STAB2: variants seen among roughly 807,000 people sequenced by gnomAD.
STAB2 encodes the protein stabilin-2.
In STAB2, 288 loss-of-function variants were observed where a neutral mutation model predicts 338.1. The observed-to-expected ratio is 0.85, with a 90% CI of 0.77 to 0.94. The LOEUF (loss-of-function observed/expected upper bound fraction) is 0.94. Among genes scored for constraint, STAB2 ranks in the 40% least tolerant of loss-of-function variants. The pLI, the probability that STAB2 is intolerant of heterozygous loss-of-function variation, is 0.00. For synonymous variants in STAB2, 1,202 were observed against 1,193.3 expected (o/e 1.01, Z -0.15); for missense variants, 3,141 against 3,210.1 (o/e 0.98, Z 0.52).
Position 103,677,506 on chromosome 12 carries a change from T to C in STAB2, c.2700T>C (p.Gly900=). Residue 900 remains glycine (G), a synonymous_variant, in exon 25 of 69, where the codon GGT becomes GGC. Transcript: ENST00000388887. The stretch of plus-strand genomic sequence containing the variant: ...CCCACACCTGCGTGTGTCAGCAGGG[T>C]TGGACAGGGAATGGGAGAGACTGCT... The part of the protein sequence containing the change: ...TGTHTCVCQQ[G]WTGNGRDCSE... 1 of 1,613,988 alleles carries C rather than the reference T, an allele frequency of 6.2e-7. No individual in the cohort carries two copies. Among genetic ancestry groups the C allele is most frequent in the Non-Finnish European group, 8.5e-7 (1 of 1,179,944 alleles).
intron 40 of STAB2, 117 bp downstream of exon 40, chr12:103,711,633 G>A (rs1879871617): frequency 8.4e-7 from 1 of 1,197,008 alleles, no homozygotes. Context: ...TGAGGGCTTA[G>A]GATAAACTTG....
At chr12:103,677,932 G>T (rs560065524) in intron 25 of STAB2, among the ~76,000 whole-genome samples, 1 of 152,210 alleles carries the variant, frequency 6.6e-6, no homozygotes, top group Non-Finnish European at 1.5e-5. Flanking sequence ...CTATAGCTCT[G>T]CAGTGTATTG....
At chr12:103,763,665 C>A (rs915807374) in intron 68 of STAB2, 57 bp downstream of exon 68, 5 of 1,450,620 alleles carry the variant, frequency 3.4e-6, no homozygotes, top group African/African-American at 1.4e-5. Flanking sequence ...GGAATGATGT[C>A]TTTTAGGAAA....
chr12:103,708,873 C>G (rs1336132703), intron 39 of STAB2, among the ~76,000 whole-genome samples: 5 of 152,152 alleles, frequency 3.3e-5, no homozygotes, highest in African/African-American at 1.2e-4. Context: ...ATATCTTTCC[C>G]TGTGATTAAA....
intron 24 of STAB2, among the ~76,000 whole-genome samples, 197 bp downstream of exon 24, chr12:103,676,218 C>T (rs1030855167): frequency 2.0e-5 from 3 of 151,988 alleles, no homozygotes; most frequent in Non-Finnish European, 4.4e-5. Context: ...CGTGCCACCA[C>T]CCCGGCTAAT....
At position 103,673,924 on chromosome 12, in the gene STAB2, G is replaced by A. The variant is rs1260344389; in HGVS notation, c.2389G>A (p.Gly797Arg). 1.2e-5 allele frequency: 19 copies of A among 1,612,676 alleles called. No homozygotes were observed. The highest frequency in any genetic ancestry group is 5.3e-5 in the African/African-American group (4 of 74,892). The stretch of plus-strand genomic sequence containing the variant: ...TCTTTCAGAATGCCTGTGCGTTCAC[G>A]GAACATGCAATAACAGGATAGACAG... The part of the protein sequence containing the change: ...RCNKKCLCVH[G>R]TCNNRIDSDG... Residue 797 changes from glycine to arginine, a missense_variant, in exon 23 of 69, where the codon GGA (glycine) becomes AGA (arginine). Physicochemically the swap from Gly to Arg is moderately radical, Grantham distance 125. Transcript: ENST00000388887.
Position 103,640,144 on chromosome 12 carries a change from C to T in STAB2, c.928C>T (p.His310Tyr), listed in dbSNP as rs1872809002. The change falls in exon 9 of 69, where the codon CAT becomes TAT. Residue 310 changes from histidine to tyrosine, a missense_variant. His to Tyr is a moderately conservative substitution (Grantham distance 83). Transcript: ENST00000388887. ...PGQSHCECKEHYQNFVPGVGC... is the reference protein window; with the variant it reads ...PGQSHCECKEYYQNFVPGVGC... ...GAAGTCTCACTGCGAGTGTAAGGAG[C>T]ATTACCAGAATTTCGTACCTGGAGT... 1 of 1,613,438 alleles carries T rather than the reference C, an allele frequency of 6.2e-7. No individual in the cohort carries two copies. The highest frequency in any genetic ancestry group is 1.3e-5 in the African/African-American group (1 of 74,908).
chr12:103,742,387 C>A lies in STAB2; in HGVS notation c.5882-18C>A. ...GCTTTGGGAGACTGTTGAGTCACTG[C>A]TGTTTCATCTCTTCCAGCCTGCCCT... On this transcript the variant is annotated intron_variant, in intron 55 of 68. Transcript: ENST00000388887. 1 of 1,613,098 alleles carries A rather than the reference C, an allele frequency of 6.2e-7. No individual in the cohort carries two copies. The highest frequency in any genetic ancestry group is 8.5e-7 in the Non-Finnish European group (1 of 1,179,418).
In STAB2 at chr12:103,759,045, A is replaced by G. The variant is rs1419575417; in HGVS notation, c.7108-88A>G. The G allele has an allele frequency of 5.0e-6, 8 of 1,606,384 alleles. No individual in the cohort carries two copies. In the East Asian group the frequency reaches 1.3e-4, roughly 27 times the overall value. On this transcript the variant is annotated intron_variant, in intron 64 of 68. Coordinates refer to ENST00000388887, the MANE Select transcript of STAB2 (RefSeq NM_017564.10). ...AGGCAGGAAAGCCTAGGCCATGAGA[A>G]GCAATTTTCTTCGTCATCCCCATCA...
intron 33 of STAB2, 48 bp from the exon 34 acceptor site, chr12:103,699,048 C>T: frequency 6.4e-7 from 1 of 1,573,810 alleles, no homozygotes; most frequent in Non-Finnish European, 8.7e-7. Context: ...AGCTGGGTAA[C>T]TGTCAGGCTG....
chr12:103,744,244 A>G (rs1463087459), intron 56 of STAB2, among the ~76,000 whole-genome samples: 1 of 152,102 alleles, frequency 6.6e-6, no homozygotes, highest in Non-Finnish European at 1.5e-5. Context: ...CCTGGGCTCA[A>G]GCAATCCTCC....
Position 103,587,314 on chromosome 12 carries a change from G to A in STAB2, c.-163G>A. ...TTGCCATTTTTCCTTTCTGAAGGCA[G>A]GTCTCACCTATCTCCTGGTTCGATC... is the stretch of plus-strand genomic sequence containing the variant. On this transcript the variant is annotated 5_prime_UTR_variant, in exon 1 of 69. Transcript: ENST00000388887. 1.6e-6 allele frequency: 1 copy of A among 633,010 alleles called. No homozygotes were observed. Among genetic ancestry groups the A allele is most frequent in the Non-Finnish European group, 2.7e-6 (1 of 367,398 alleles). The allele number at this position is 633,010 out of a possible 1,614,324, so 39.2% of individuals were successfully genotyped here. A position where few individuals can be genotyped will look rare whatever the true frequency, so the allele number is the denominator to read the frequency against.
At chr12:103,632,813 GA>G (rs1456727090) in intron 6 of STAB2, among the ~76,000 whole-genome samples, 1 of 152,226 alleles carries the variant, frequency 6.6e-6, no homozygotes, top group East Asian at 1.9e-4. Context: ...ATCGACCTGT[GA>G]AGGAGAAACT....
Position 103,652,544 on chromosome 12 carries a change from C to G in STAB2, c.1258-12C>G. ...TCTTCAAATAATAGTAAAATTGGCTCTTCTCTCTTAGGTAAATGAGCTTTT... is the reference window on the plus strand; with the variant it reads ...TCTTCAAATAATAGTAAAATTGGCTGTTCTCTCTTAGGTAAATGAGCTTTT... On this transcript the variant is annotated splice_polypyrimidine_tract_variant and intron_variant, in intron 11 of 68. Transcript: ENST00000388887. 6.5e-7 allele frequency: 1 copy of G among 1,538,628 alleles called. No homozygotes were observed. The highest frequency in any genetic ancestry group is 8.7e-7 in the Non-Finnish European group (1 of 1,144,102).
chr12:103,671,418 T>C (rs1005133256), intron 22 of STAB2, among the ~76,000 whole-genome samples: 5 of 152,020 alleles, frequency 3.3e-5, no homozygotes, highest in Admixed American at 2.6e-4. Flanking sequence ...GCCACTGCAC[T>C]CCAGCCTGGG....
chr12:103,624,549 A>G (rs1472093436), intron 5 of STAB2, among the ~76,000 whole-genome samples: 2 of 152,228 alleles, frequency 1.3e-5, no homozygotes, highest in African/African-American at 2.4e-5. Flanking sequence ...AATAAATGTT[A>G]TGATTATTAT....
chr12:103,605,987 G>A (rs767233724), intron 3 of STAB2, among the ~76,000 whole-genome samples: 4 of 152,020 alleles, frequency 2.6e-5, no homozygotes, highest in South Asian at 2.1e-4. Flanking sequence ...TATTTAATGC[G>A]TTAGGTTTAC....
chr12:103,717,730 C>T (rs755392645), intron 43 of STAB2, 40 bp from the exon 44 acceptor site: 39 of 1,604,112 alleles, frequency 2.4e-5, no homozygotes, highest in Non-Finnish European at 3.0e-5. Flanking sequence ...GTACAGAACC[C>T]ACCTGCAAAA....
intron 54 of STAB2, among the ~76,000 whole-genome samples, chr12:103,739,858 C>T (rs1191358021): frequency 5.3e-5 from 8 of 152,118 alleles, no homozygotes; most frequent in African/African-American, 1.7e-4. Context: ...CTATTATTAC[C>T]TACACTTTAC....
Sources: gnomAD v4.1 joint callset for allele counts (sites outside exome capture counted in the v4.1 genomes callset) on GRCh38, gnomAD v4.1.1 for gene constraint, MANE v1.5 for transcripts, NCBI Gene and HGNC (gene_info 2026-07-23, HGNC 2026-07-21) for gene names.